TMEM132D: variants seen among roughly 807,000 people sequenced by gnomAD.
The protein encoded by TMEM132D is transmembrane protein 132D, also known as mature OL transmembrane protein.
Under a neutral mutation model 62.3 loss-of-function variants are expected in TMEM132D, and 21 were observed. That is an observed-to-expected ratio of 0.34 (90% confidence interval 0.24 to 0.49). The LOEUF (loss-of-function observed/expected upper bound fraction) is 0.49, where lower values mean the gene tolerates loss of function less well. TMEM132D is among the 20% of genes least tolerant of loss of function. The pLI, the probability that TMEM132D is intolerant of heterozygous loss-of-function variation, is 0.99. For synonymous variants in TMEM132D, 621 were observed against 575.6 expected (o/e 1.08, Z -1.13); for missense variants, 1,346 against 1,402.8 (o/e 0.96, Z 0.65).
At chr12:129,140,564 C>A (rs1022575800) in intron 5 of TMEM132D, among the ~76,000 whole-genome samples, 80 of 152,094 alleles carry the variant, frequency 5.3e-4, no homozygotes, top group African/African-American at 1.9e-3. Flanking sequence ...ATTCACCGGG[C>A]ATGGTGGCTC....
intron 2 of TMEM132D, among the ~76,000 whole-genome samples, chr12:129,535,002 T>C (rs923477718): frequency 1.3e-5 from 2 of 152,190 alleles, no homozygotes; most frequent in Non-Finnish European, 2.9e-5. Context: ...AAGGGGAGGC[T>C]AAGATTCAGT....
intron 4 of TMEM132D, among the ~76,000 whole-genome samples, chr12:129,253,591 T>A (rs1407682685): frequency 6.6e-6 from 1 of 152,248 alleles, no homozygotes; most frequent in Non-Finnish European, 1.5e-5. Context: ...TTTCTGACAC[T>A]GAGCAAAGGG....
chr12:129,413,308 C>A (rs879843058), intron 3 of TMEM132D, among the ~76,000 whole-genome samples: 18 of 152,062 alleles, frequency 1.2e-4, no homozygotes, highest in Non-Finnish European at 2.4e-4. Flanking sequence ...AAGGGGAAAC[C>A]CTTTTCACTT....
At chr12:129,405,978 C>T (rs1871771938) in intron 3 of TMEM132D, among the ~76,000 whole-genome samples, 1 of 152,170 alleles carries the variant, frequency 6.6e-6, no homozygotes, top group Non-Finnish European at 1.5e-5. Flanking sequence ...AATTAAATCC[C>T]TCAAACATCT....
chr12:129,727,540 G>T (rs1869080960), intron 1 of TMEM132D, among the ~76,000 whole-genome samples: 1 of 152,030 alleles, frequency 6.6e-6, no homozygotes, highest in Non-Finnish European at 1.5e-5. Context: ...CCATAGAAAT[G>T]ACCAAAATTA....
chr12:129,165,481 T>C (rs1877516732), intron 5 of TMEM132D, among the ~76,000 whole-genome samples: 1 of 152,230 alleles, frequency 6.6e-6, no homozygotes, highest in African/African-American at 2.4e-5. Context: ...AATGGATCAG[T>C]TGTTTTAGGG....
intron 4 of TMEM132D, among the ~76,000 whole-genome samples, chr12:129,281,299 G>A (rs1226553231): frequency 6.6e-6 from 1 of 151,998 alleles, no homozygotes; most frequent in Non-Finnish European, 1.5e-5. Flanking sequence ...AACCAGGAAG[G>A]TGTCATTTGT....
intron 4 of TMEM132D, among the ~76,000 whole-genome samples, chr12:129,255,442 C>A (rs1417368784): frequency 6.6e-6 from 1 of 152,204 alleles, no homozygotes; most frequent in Non-Finnish European, 1.5e-5. Flanking sequence ...AATCTGATTT[C>A]TCTTCCTCTC....
At chr12:129,397,549 C>A (rs1871467075) in intron 3 of TMEM132D, among the ~76,000 whole-genome samples, 1 of 152,096 alleles carries the variant, frequency 6.6e-6, no homozygotes, top group Non-Finnish European at 1.5e-5. Context: ...TTAAGCCCAT[C>A]TTTGGATGGA....
At chr12:129,838,666 C>T (rs1873082184) in intron 1 of TMEM132D, among the ~76,000 whole-genome samples, 1 of 152,002 alleles carries the variant, frequency 6.6e-6, no homozygotes, top group South Asian at 2.1e-4. Flanking sequence ...AAGAGAAATA[C>T]CCTAACATTG....
At chr12:129,481,527 A>G (rs535602126) in intron 3 of TMEM132D, among the ~76,000 whole-genome samples, 13 of 144,124 alleles carry the variant, frequency 9.0e-5, no homozygotes, top group Middle Eastern at 7.1e-3. Flanking sequence ...GAAAAATACA[A>G]AACAATTTAC....
intron 2 of TMEM132D, among the ~76,000 whole-genome samples, chr12:129,541,746 C>T (rs11060421): frequency 0.033 from 5,080 of 152,204 alleles, 290 homozygotes; most frequent in African/African-American, 0.12. Flanking sequence ...ACCAGAGTCC[C>T]GCTCCTGTTG....
chr12:129,801,999 C>T (rs1281265378), intron 1 of TMEM132D, among the ~76,000 whole-genome samples: 1 of 149,428 alleles, frequency 6.7e-6, no homozygotes, highest in Non-Finnish European at 1.5e-5. Flanking sequence ...AAAAGAATAA[C>T]AAGAAATGAG....
chr12:129,766,015 C>G (rs1048514320), intron 1 of TMEM132D, among the ~76,000 whole-genome samples: 1 of 152,084 alleles, frequency 6.6e-6, no homozygotes, highest in African/African-American at 2.4e-5. Flanking sequence ...TGGACTTGTT[C>G]TGGACAATGA....
At chr12:129,704,347 G>C (rs1384383975) in intron 1 of TMEM132D, among the ~76,000 whole-genome samples, 1 of 152,202 alleles carries the variant, frequency 6.6e-6, no homozygotes, top group Non-Finnish European at 1.5e-5. Flanking sequence ...GGGTGCTCCC[G>C]CACCTGACAA....
At chr12:129,425,879 G>T (rs1872482920) in intron 3 of TMEM132D, among the ~76,000 whole-genome samples, 2 of 152,194 alleles carry the variant, frequency 1.3e-5, no homozygotes, top group South Asian at 4.1e-4. Context: ...CGCCACATAG[G>T]CAATGGAGCA....
intron 3 of TMEM132D, among the ~76,000 whole-genome samples, chr12:129,351,740 A>T (rs1004391286): frequency 6.6e-6 from 1 of 152,166 alleles, no homozygotes; most frequent in African/African-American, 2.4e-5. Context: ...TGTGGAATAT[A>T]TTGTGGTTGT....
intron 4 of TMEM132D, among the ~76,000 whole-genome samples, chr12:129,283,009 C>A (rs1881197558): frequency 6.6e-6 from 1 of 152,172 alleles, no homozygotes; most frequent in Non-Finnish European, 1.5e-5. Context: ...ATTCCCAAGT[C>A]TTCTCAGGGG....
At chr12:129,812,345 G>A (rs563193908) in intron 1 of TMEM132D, among the ~76,000 whole-genome samples, 5 of 151,576 alleles carry the variant, frequency 3.3e-5, no homozygotes, top group East Asian at 3.9e-4. Flanking sequence ...GTTTGAAACC[G>A]TTCATTTGCT....
Sources: gnomAD v4.1 joint callset for allele counts (sites outside exome capture counted in the v4.1 genomes callset) on GRCh38, gnomAD v4.1.1 for gene constraint, MANE v1.5 for transcripts, NCBI Gene and HGNC (gene_info 2026-07-23, HGNC 2026-07-21) for gene names.